Variants in PKD1L3 observed in about 807,000 individuals in gnomAD.
PKD1L3 encodes the protein polycystin 1 like 3, transient receptor potential channel interacting.
PKD1L3 carries 239 observed loss-of-function variants against 184.1 expected under a neutral mutation model. The ratio of observed to expected loss-of-function variants is 1.30; its 90% CI spans 1.17 to 1.45. PKD1L3 has a LOEUF of 1.45. Ranked by LOEUF, PKD1L3 falls within the 40% of genes most tolerant of loss-of-function variation. The probability of loss-of-function intolerance (pLI) is 0.00; values close to 1 mark genes in which losing one functional copy is unlikely to be tolerated. For synonymous variants in PKD1L3, 996 were observed against 778.8 expected (o/e 1.28, Z -4.64); for missense variants, 2,660 against 2,067.2 (o/e 1.29, Z -5.56).
chr16:71,989,133 G>A (rs566702271), intron 4 of PKD1L3, among the ~76,000 whole-genome samples: 6 of 152,234 alleles, frequency 3.9e-5, no homozygotes, highest in Admixed American at 2.6e-4. Flanking sequence ...AGAAAACAGC[G>A]TGGGAAATAC....
At chr16:71,946,721 C>T (rs1255073403) in intron 22 of PKD1L3, among the ~76,000 whole-genome samples, 1 of 137,998 alleles carries the variant, frequency 7.2e-6, no homozygotes, top group Non-Finnish European at 1.5e-5. Context: ...ATTTGTGGGG[C>T]AGGCAAACAA....
chr16:71,929,728 T>C lies in PKD1L3; in HGVS notation c.5059-50A>G, dbSNP rs2037855735. 3 of 1,441,244 alleles carry C rather than the reference T, an allele frequency of 2.1e-6. No individual in the cohort carries two copies. The East Asian group carries it at 7.5e-5, about 36-fold the overall frequency. The allele number at this position is 1,441,244 out of a possible 1,614,324, so 89.3% of individuals were successfully genotyped here. A position where few individuals can be genotyped will look rare whatever the true frequency, so the allele number is the denominator to read the frequency against. On this transcript the variant is annotated intron_variant, in intron 29 of 29. Transcript: ENST00000620267. Reference sequence around the variant, plus strand: ...AAAGTGAGAAAATTGAAATTACTGCTAATAGTGGAGTAAAAAAAGTACCAA... The same window carrying C: ...AAAGTGAGAAAATTGAAATTACTGCCAATAGTGGAGTAAAAAAAGTACCAA...
chr16:71,951,765 G>C (rs1253018912), intron 18 of PKD1L3, 21 bp from the exon 19 acceptor site: 1 of 1,534,994 alleles, frequency 6.5e-7, no homozygotes, highest in East Asian at 2.5e-5. Context: ...GACCAGATGA[G>C]AAAAATCAGC....
intron 21 of PKD1L3, among the ~76,000 whole-genome samples, chr16:71,947,971 C>T (rs2038685285): frequency 6.6e-6 from 1 of 150,446 alleles, no homozygotes; most frequent in Admixed American, 6.6e-5. Flanking sequence ...GGCTGGAATG[C>T]AGTGGCGCAA....
At chr16:71,972,044 G>T (rs1004096036) in intron 12 of PKD1L3, among the ~76,000 whole-genome samples, 1 of 151,964 alleles carries the variant, frequency 6.6e-6, no homozygotes, top group Non-Finnish European at 1.5e-5. Context: ...GTGAAACCCT[G>T]TCTCTAATAA....
Position 71,954,194 on chromosome 16 carries a change from G to A in PKD1L3, c.2720C>T (p.Ser907Phe), listed in dbSNP as rs1475517553. 7 of 1,551,740 alleles carry A rather than the reference G, an allele frequency of 4.5e-6. No homozygotes were observed. The Admixed American group carries it at 1.4e-4, about 30-fold the overall frequency. ...GCAGAGTAGCAGTGTCATGCAGCAA[G>A]ACAGCCGTTGGACCCTTGTAAACTG... ...WNQFTRVQRL[S>F]CCMTLLLCNM... Residue 907 changes from serine to phenylalanine, a missense_variant, in exon 17 of 30, where the codon TCT becomes TTT. By Grantham distance (155) the Ser-to-Phe change is radical (BLOSUM62 -2). Transcript: ENST00000620267.
intron 5 of PKD1L3, among the ~76,000 whole-genome samples, chr16:71,985,162 C>T (rs1271979235): frequency 6.6e-6 from 1 of 152,064 alleles, no homozygotes. Flanking sequence ...ATTATAGATC[C>T]TTTTAGATAT....
Position 71,934,659 on chromosome 16 carries a change from A to G in PKD1L3, c.4614-534T>C, listed in dbSNP as rs897959547. Among the ~76,000 whole-genome samples the G allele has an allele frequency of 2.7e-4, 41 of 152,210 alleles. 1 individual carries two copies. Among genetic ancestry groups the G allele is most frequent in the African/African-American group, 9.2e-4 (38 of 41,454 alleles). On this transcript the variant is annotated intron_variant, in intron 26 of 29. Coordinates refer to ENST00000620267, the MANE Select transcript of PKD1L3 (RefSeq NM_181536.2). ...GTTTTGTTTTGAGAGAGAGACATTC[A>G]TAATTTTAGGTTGCAGCAACCAGGT...
At chr16:71,989,380 C>T (rs201038111) in intron 4 of PKD1L3, among the ~76,000 whole-genome samples, 3 of 152,094 alleles carry the variant, frequency 2.0e-5, no homozygotes, top group Admixed American at 6.6e-5. Context: ...CTCGAACTCC[C>T]GACCTCAGGT....
chr16:71,967,173 C>T lies in PKD1L3; in HGVS notation c.2429G>A (p.Arg810Gln), dbSNP rs752634471. Reference sequence around the variant, plus strand: ...GACGCCAGAATTGTCATGCCAGAGCCGAAGGCTGTGCAGGTTCCCTAGAGA... The same window carrying T: ...GACGCCAGAATTGTCATGCCAGAGCTGAAGGCTGTGCAGGTTCCCTAGAGA... ...WTSLGNLHSL[R>Q]LWHDNSGVSP... Residue 810 changes from arginine to glutamine, a missense_variant, in exon 15 of 30, where the codon CGG becomes CAG. Physicochemically the swap from Arg to Gln is conservative, Grantham distance 43. Coordinates refer to ENST00000620267, the MANE Select transcript of PKD1L3 (RefSeq NM_181536.2). The T allele has an allele frequency of 2.8e-5, 44 of 1,551,584 alleles. No homozygotes were observed. Among genetic ancestry groups the T allele is most frequent in the South Asian group, 2.0e-4 (17 of 84,070 alleles).
intron 2 of PKD1L3, among the ~76,000 whole-genome samples, chr16:71,996,337 C>G (rs2040783205): frequency 7.1e-6 from 1 of 140,742 alleles, no homozygotes; most frequent in African/African-American, 2.6e-5. Context: ...TCTTGGCTGA[C>G]TGCAACCTCC....
Position 71,943,547 on chromosome 16 carries a change from A to AAC in PKD1L3, c.3859+482_3859+483insGT, listed in dbSNP as rs1348777237. Among the ~76,000 whole-genome samples the AAC allele has an allele frequency of 6.6e-5, 10 of 151,814 alleles. No homozygotes were observed. In the East Asian group the frequency reaches 7.8e-4, roughly 12 times the overall value. On this transcript the variant is annotated intron_variant, in intron 23 of 29. Transcript: ENST00000620267. ...AGTGAGACTCCGTCTCAAAAAAAAA[A>AAC]AAAAAAAAAAACATAAAATCCCGCA...
In PKD1L3 at chr16:71,970,055, C is replaced by G. The variant is rs1567527496; in HGVS notation, c.2004G>C (p.Leu668=). ...ILRTQCLCNH[L]TFFASDFFVV... Reference sequence around the variant, plus strand: ...CAAAGAAGTCGCTGGCAAAGAAGGTCAGGTGGTTACAGAGACACTGTGTCC... The same window carrying G: ...CAAAGAAGTCGCTGGCAAAGAAGGTGAGGTGGTTACAGAGACACTGTGTCC... Residue 668 remains leucine (L), a synonymous_variant, in exon 13 of 30, where the codon CTG becomes CTC. Transcript: ENST00000620267. The G allele has an allele frequency of 3.9e-6, 6 of 1,551,544 alleles. No homozygotes were observed. The highest frequency in any genetic ancestry group is 5.2e-6 in the Non-Finnish European group (6 of 1,147,004).
At chr16:71,950,395 G>T (rs1358552164) in intron 19 of PKD1L3, 85 bp from the exon 20 acceptor site, 1 of 1,207,164 alleles carries the variant, frequency 8.3e-7, no homozygotes, top group African/African-American at 1.5e-5. Flanking sequence ...TTCATTGATG[G>T]ATGATGAGGC....
At chr16:71,995,312 C>T (rs2040748402) in intron 2 of PKD1L3, among the ~76,000 whole-genome samples, 1 of 152,164 alleles carries the variant, frequency 6.6e-6, no homozygotes, top group African/African-American at 2.4e-5. Context: ...ATTGGCAACA[C>T]CTGTTTTGGA....
In PKD1L3 at chr16:71,929,647, T is replaced by C. The variant is rs1194011255; in HGVS notation, c.5090A>G (p.Gln1697Arg). The C allele has an allele frequency of 9.7e-6, 15 of 1,551,782 alleles. No homozygotes were observed. In the South Asian group the frequency reaches 1.4e-4, roughly 15 times the overall value. ...KEAALIDTLL[Q>R]KLSNLLGISW... The stretch of plus-strand genomic sequence containing the variant: ...GATTCCTAACAAATTTGAGAGCTTC[T>C]GTAGCAGTGTATCTATTAGTGCAGC... The change falls in exon 30 of 30, where the codon CAG becomes CGG. Residue 1697 changes from glutamine to arginine, a missense_variant. Gln to Arg is a conservative substitution (Grantham distance 43). Transcript: ENST00000620267.
chr16:71,949,192 T>G (rs1294765177), intron 21 of PKD1L3, among the ~76,000 whole-genome samples: 1 of 152,128 alleles, frequency 6.6e-6, no homozygotes, highest in African/African-American at 2.4e-5. Flanking sequence ...TAAAAACATT[T>G]TAAGTTTTTT....
chr16:71,946,261 TTAAGAA>T (rs1326210255), intron 22 of PKD1L3, among the ~76,000 whole-genome samples: 4 of 152,172 alleles, frequency 2.6e-5, no homozygotes, highest in South Asian at 4.1e-4. Flanking sequence ...AGATCACCAC[TTAAGAA>T]TAAGTGACTG....
intron 22 of PKD1L3, among the ~76,000 whole-genome samples, chr16:71,946,106 G>T (rs1234151153): frequency 6.6e-6 from 1 of 152,250 alleles, no homozygotes; most frequent in African/African-American, 2.4e-5. Flanking sequence ...TTACAGGCAT[G>T]CACCACCACA....
Sources: gnomAD v4.1 joint callset for allele counts (sites outside exome capture counted in the v4.1 genomes callset) on GRCh38, gnomAD v4.1.1 for gene constraint, MANE v1.5 for transcripts, NCBI Gene and HGNC (gene_info 2026-07-23, HGNC 2026-07-21) for gene names.